ITGB8: variants seen among roughly 807,000 people sequenced by gnomAD.
ITGB8 encodes integrin subunit beta 8, also known as integrin beta-8.
Under a neutral mutation model 89.5 loss-of-function variants are expected in ITGB8, and 30 were observed. The observed-to-expected ratio is 0.34, with a 90% confidence interval of 0.25 to 0.45. The LOEUF (loss-of-function observed/expected upper bound fraction) is 0.45. Ranked by LOEUF, ITGB8 falls within the 20% of genes least tolerant of loss-of-function variation. The probability of loss-of-function intolerance (pLI) is 1.00; values close to 1 mark genes in which losing one functional copy is unlikely to be tolerated. For synonymous variants in ITGB8, 335 were observed against 320.4 expected (o/e 1.05, Z -0.49); for missense variants, 836 against 933.3 (o/e 0.90, Z 1.36).
chr7:20,340,931 T>C (rs1784736628), intron 1 of ITGB8, among the ~76,000 whole-genome samples: 1 of 152,202 alleles, frequency 6.6e-6, no homozygotes, highest in African/African-American at 2.4e-5. Context: ...AAATAGGGAA[T>C]GTCTTTTCTA....
At chr7:20,356,067 C>T (rs914808149) in intron 1 of ITGB8, among the ~76,000 whole-genome samples, 1 of 152,150 alleles carries the variant, frequency 6.6e-6, no homozygotes. Context: ...TACTCAGATC[C>T]ACCTTTTTCA....
At chr7:20,403,792 G>GAC (rs397706293) in intron 10 of ITGB8, among the ~76,000 whole-genome samples, 1 of 150,618 alleles carries the variant, frequency 6.6e-6, no homozygotes, top group Admixed American at 6.6e-5. Context: ...GGAAGGGAGA[G>GAC]GGAGAAAAGA....
chr7:20,362,111 A>T (rs1785524985), intron 1 of ITGB8, among the ~76,000 whole-genome samples: 1 of 152,194 alleles, frequency 6.6e-6, no homozygotes, highest in Non-Finnish European at 1.5e-5. Context: ...AACTGCAAAC[A>T]CAGGAGTAAA....
At chr7:20,344,947 G>A (rs994436713) in intron 1 of ITGB8, among the ~76,000 whole-genome samples, 2 of 152,182 alleles carry the variant, frequency 1.3e-5, no homozygotes, top group Admixed American at 6.5e-5. Flanking sequence ...TGGAGCTTTC[G>A]TTCTAATGGA....
intron 1 of ITGB8, among the ~76,000 whole-genome samples, chr7:20,362,003 C>T (rs1278548661): frequency 2.0e-5 from 3 of 152,104 alleles, no homozygotes; most frequent in African/African-American, 7.2e-5. Context: ...GATAATAGAA[C>T]ATTAAAGGTA....
chr7:20,356,409 G>A (rs1342636783), intron 1 of ITGB8, among the ~76,000 whole-genome samples: 1 of 152,098 alleles, frequency 6.6e-6, no homozygotes, highest in Non-Finnish European at 1.5e-5. Context: ...TGTATATCTA[G>A]AAGGAGGAAA....
intron 3 of ITGB8, among the ~76,000 whole-genome samples, chr7:20,376,579 C>G (rs555961178): frequency 6.6e-6 from 1 of 152,206 alleles, no homozygotes; most frequent in Non-Finnish European, 1.5e-5. Flanking sequence ...ATTATATGAT[C>G]CAAAGCCAAC....
At position 20,401,639 on chromosome 7, in the gene ITGB8, A is replaced by G. The variant is rs186284674; in HGVS notation, c.1282-82A>G. The G allele has an allele frequency of 2.4e-5, 19 of 793,352 alleles. 1 individual carries two copies. In the African/African-American group the frequency reaches 3.1e-4, roughly 13 times the overall value. 49.1% of individuals were successfully genotyped at this position (793,352 alleles called of 1,614,324 possible). A position where few individuals can be genotyped will look rare whatever the true frequency, so the allele number is the denominator to read the frequency against. On this transcript the variant is annotated intron_variant, in intron 9 of 13. Coordinates refer to ENST00000222573, the MANE Select transcript of ITGB8 (RefSeq NM_002214.3). ...ATTTCTCTAAGATGGTTTCTTATCAATTCAGTTATTAACAGATATAATATT... is the reference window on the plus strand; with the variant it reads ...ATTTCTCTAAGATGGTTTCTTATCAGTTCAGTTATTAACAGATATAATATT...
At chr7:20,400,016 C>T (rs918182318) in intron 9 of ITGB8, among the ~76,000 whole-genome samples, 10 of 152,050 alleles carry the variant, frequency 6.6e-5, no homozygotes, top group South Asian at 2.1e-4. Context: ...ATGATCACTC[C>T]GTGGATTTTG....
At chr7:20,385,552 G>C (rs1268807631) in intron 6 of ITGB8, among the ~76,000 whole-genome samples, 1 of 152,166 alleles carries the variant, frequency 6.6e-6, no homozygotes, top group Admixed American at 6.5e-5. Context: ...GCATCTTATA[G>C]CATGGAGGCA....
At chr7:20,380,288 C>T (rs1786323898) in intron 4 of ITGB8, 1 of 159,526 alleles carries the variant, frequency 6.3e-6, no homozygotes, top group African/African-American at 2.4e-5. Context: ...CAACTAAATT[C>T]CTCAAAAGCA....
At chr7:20,386,733 C>T (rs886633107) in intron 6 of ITGB8, among the ~76,000 whole-genome samples, 9 of 151,972 alleles carry the variant, frequency 5.9e-5, no homozygotes, top group African/African-American at 2.2e-4. Context: ...CCTGGCTCTG[C>T]TTGTGTAATG....
intron 1 of ITGB8, among the ~76,000 whole-genome samples, chr7:20,344,716 G>A (rs1041732606): frequency 3.3e-5 from 5 of 152,290 alleles, no homozygotes; most frequent in East Asian, 1.9e-4. Flanking sequence ...AGCTGAGTTC[G>A]AGAGTTGACC....
rs1787731915 is a variant in ITGB8 at position 20,410,734 on chromosome 7, C to A, written c.*737C>A. 6.6e-6 allele frequency: 1 copy of A among 152,536 alleles called. No individual in the cohort carries two copies. The highest frequency in any genetic ancestry group is 6.5e-5 in the Admixed American group (1 of 15,272). The allele number at this position is 152,536 out of a possible 1,614,324, so 9.4% of individuals were successfully genotyped here. A position where few individuals can be genotyped will look rare whatever the true frequency, so the allele number is the denominator to read the frequency against. On this transcript the variant is annotated 3_prime_UTR_variant, in exon 14 of 14. Coordinates refer to ENST00000222573, the MANE Select transcript of ITGB8 (RefSeq NM_002214.3). ...TAATTAAGTGCTAAGTTACTACTGC[C>A]ATAAAAAACTAATAATACAATGTCA...
chr7:20,381,676 A>G, intron 5 of ITGB8, 51 bp from the exon 6 acceptor site: 1 of 1,415,648 alleles, frequency 7.1e-7, no homozygotes, highest in Non-Finnish European at 9.7e-7. Context: ...TAAAAACCAC[A>G]GTACACATCT....
intron 11 of ITGB8, among the ~76,000 whole-genome samples, chr7:20,405,327 A>ATATATATTT (rs143005781): frequency 1.4e-5 from 2 of 139,228 alleles, no homozygotes; most frequent in Admixed American, 7.0e-5. Flanking sequence ...ATATATATAT[A>ATATATATTT]TTTTTTTTTT....
rs1291870420 is a variant in ITGB8, at chr7:20,381,882, C to A, written c.957C>A (p.Thr319=). 6.2e-7 allele frequency: 1 copy of A among 1,610,546 alleles called. No homozygotes were observed. The highest frequency in any genetic ancestry group is 1.1e-5 in the South Asian group (1 of 90,240). Residue 319 remains threonine, a synonymous_variant, in exon 6 of 14, where the codon ACC becomes ACA. Transcript: ENST00000222573. ...LKNNVYVKST[T]MEHPSLGQLS... is the part of the protein sequence containing the mutation. ...ACAACGTCTATGTCAAATCGACAAC[C>A]ATGGTAATGCAGCAGTAACCGCTTA...
chr7:20,330,078 A>G (rs1784323322), upstream of ITGB8, among the ~76,000 whole-genome samples: 1 of 152,158 alleles, frequency 6.6e-6, no homozygotes, highest in Non-Finnish European at 1.5e-5. Context: ...AGATCAAAAG[A>G]CCCACTGTAA....
chr7:20,332,003 C>A, intron 1 of ITGB8, 70 bp downstream of exon 1: 1 of 1,561,662 alleles, frequency 6.4e-7, no homozygotes, highest in South Asian at 1.2e-5. Flanking sequence ...AAGAGCTGCC[C>A]GGCCAGAGCA....
Sources: allele counts gnomAD v4.1 joint callset (sites outside exome capture counted in the v4.1 genomes callset), GRCh38; gene constraint gnomAD v4.1.1; transcripts MANE v1.5; gene names NCBI Gene and HGNC (gene_info 2026-07-23, HGNC 2026-07-21).